The following AKAP6 variants were observed in gnomAD, a reference collection of about 807,000 sequenced individuals.
AKAP6 encodes A-kinase anchor protein 6.
A neutral mutation model predicts 188.5 loss-of-function variants in AKAP6; 58 were observed. That is an observed-to-expected ratio of 0.31 (90% confidence interval 0.25 to 0.38). The LOEUF (loss-of-function observed/expected upper bound fraction) is 0.38, where lower values mean the gene tolerates loss of function less well. Ranked by LOEUF, AKAP6 falls within the 10% of genes least tolerant of loss-of-function variation. The pLI, the probability that AKAP6 is intolerant of heterozygous loss-of-function variation, is 1.00. For missense variants in AKAP6, 2,710 were observed against 2,740.0 expected (o/e 0.99, Z 0.24); for synonymous variants, 989 against 998.6 (o/e 0.99, Z 0.18).
At chr14:32,774,591 C>G (rs2032997387) in intron 12 of AKAP6, among the ~76,000 whole-genome samples, 1 of 152,128 alleles carries the variant, frequency 6.6e-6, no homozygotes, top group African/African-American at 2.4e-5. Flanking sequence ...AAGTTGTTTC[C>G]TTGTAATATA....
At chr14:32,552,708 AG>A (rs1322897444) in intron 4 of AKAP6, among the ~76,000 whole-genome samples, 2 of 152,218 alleles carry the variant, frequency 1.3e-5, no homozygotes. Flanking sequence ...AAAGGGCAGT[AG>A]TTGAAAGTAA....
intron 1 of AKAP6, among the ~76,000 whole-genome samples, chr14:32,361,529 G>C (rs1460206950): frequency 1.3e-5 from 2 of 152,154 alleles, no homozygotes; most frequent in African/African-American, 4.8e-5. Context: ...ACATTAAAGG[G>C]AGGCCATCTA....
rs1461850213 is a variant in AKAP6, at chr14:32,404,479, A to G, written c.-34-28981A>G. 1.3e-5 allele frequency among the ~76,000 whole-genome samples: 2 copies of G among 151,504 alleles called. 1 individual carries two copies. Among genetic ancestry groups the G allele is most frequent in the African/African-American group, 4.9e-5 (2 of 41,234 alleles). On this transcript the variant is annotated intron_variant, in intron 1 of 13. Coordinates refer to ENST00000280979, the MANE Select transcript of AKAP6 (RefSeq NM_004274.5). ...GTTTTTTAGAAGGCTGTGCTGCAGC[A>G]GATTCCTCAGCTAAGTGCACATCCT...
intron 2 of AKAP6, among the ~76,000 whole-genome samples, chr14:32,531,171 G>C (rs1469253717): frequency 6.6e-6 from 1 of 152,194 alleles, no homozygotes; most frequent in Non-Finnish European, 1.5e-5. Context: ...ACAAAGCAAT[G>C]TAGAGGGTCA....
intron 12 of AKAP6, among the ~76,000 whole-genome samples, chr14:32,790,951 T>C (rs2033589535): frequency 6.6e-6 from 1 of 152,212 alleles, no homozygotes; most frequent in Non-Finnish European, 1.5e-5. Context: ...CATGAACTCA[T>C]TCTTTTTTAT....
At chr14:32,724,990 T>TAAAAAAA (rs71432079) in intron 9 of AKAP6, among the ~76,000 whole-genome samples, 491 of 34,910 alleles carry the variant, frequency 0.014, 81 homozygotes, top group South Asian at 0.037. Context: ...ATATTCAACC[T>TAAAAAAA]AAAAAAAAAA....
At chr14:32,519,261 T>A (rs148384441) in intron 2 of AKAP6, among the ~76,000 whole-genome samples, 6 of 152,206 alleles carry the variant, frequency 3.9e-5, no homozygotes, top group Admixed American at 1.3e-4. Context: ...TAAAGACCAT[T>A]GAGGCTAGGA....
intron 6 of AKAP6, 46 bp from the exon 7 acceptor site, chr14:32,600,583 A>T: frequency 6.5e-7 from 1 of 1,540,800 alleles, no homozygotes; most frequent in Non-Finnish European, 8.7e-7. Flanking sequence ...ATGAGTAAAG[A>T]TTCATTCAGG....
chr14:32,355,189 T>C (rs992615120), intron 1 of AKAP6, among the ~76,000 whole-genome samples: 1 of 152,252 alleles, frequency 6.6e-6, no homozygotes, highest in Non-Finnish European at 1.5e-5. Context: ...TTCTAACTGA[T>C]ACAAACTATA....
chr14:32,823,982 C>T lies in AKAP6; in HGVS notation c.6169C>T (p.His2057Tyr), dbSNP rs367905403. Residue 2057 changes from histidine (H) to tyrosine (Y), a missense_variant, in exon 13 of 14, where the codon CAC (histidine) becomes TAC (tyrosine). By Grantham distance (83) the His-to-Tyr change is moderately conservative (BLOSUM62 2). Transcript: ENST00000280979. ...HQKDAEDCSV[H>Y]NFVKEIIDMA... ...AAAAGATGCCGAAGATTGTTCAGTA[C>T]ACAACTTTGTTAAGGAAATCATTGA... is the stretch of plus-strand genomic sequence containing the variant. 2.3e-5 allele frequency: 37 copies of T among 1,613,846 alleles called. No individual in the cohort carries two copies. The highest frequency in any genetic ancestry group is 2.7e-5 in the Non-Finnish European group (32 of 1,179,948).
intron 7 of AKAP6, among the ~76,000 whole-genome samples, chr14:32,675,019 T>A (rs983938767): frequency 1.3e-5 from 2 of 152,210 alleles, no homozygotes; most frequent in Non-Finnish European, 2.9e-5. Context: ...ATCTTTTTTC[T>A]CTTCTCATTG....
At chr14:32,732,961 C>T in intron 10 of AKAP6, 1 of 403,314 alleles carries the variant, frequency 2.5e-6, no homozygotes, top group Non-Finnish European at 4.4e-6. Context: ...TCTGAAGGTA[C>T]ATGTGAGAGA....
intron 1 of AKAP6, among the ~76,000 whole-genome samples, chr14:32,423,553 T>C (rs1889925393): frequency 6.6e-6 from 1 of 152,146 alleles, no homozygotes; most frequent in Non-Finnish European, 1.5e-5. Flanking sequence ...AGCAAATACT[T>C]CTATATTGCT....
intron 2 of AKAP6, among the ~76,000 whole-genome samples, chr14:32,459,577 G>A (rs1026282591): frequency 1.3e-5 from 2 of 149,632 alleles, no homozygotes; most frequent in South Asian, 2.1e-4. Context: ...TTATTGGAAA[G>A]GCATACATAT....
At chr14:32,364,900 T>G (rs1887782775) in intron 1 of AKAP6, among the ~76,000 whole-genome samples, 1 of 152,208 alleles carries the variant, frequency 6.6e-6, no homozygotes, top group Admixed American at 6.5e-5. Flanking sequence ...ATCAGGCATG[T>G]AATTTATAAG....
intron 12 of AKAP6, among the ~76,000 whole-genome samples, chr14:32,775,446 T>G (rs1251293143): frequency 1.3e-5 from 2 of 151,764 alleles, no homozygotes; most frequent in African/African-American, 4.8e-5. Flanking sequence ...TTTTTTTTTT[T>G]TTCAAGGATG....
intron 7 of AKAP6, among the ~76,000 whole-genome samples, chr14:32,617,593 A>ATTTT (rs1178297735): frequency 7.9e-5 from 12 of 151,914 alleles, no homozygotes; most frequent in African/African-American, 2.9e-4. Context: ...TTATAACACA[A>ATTTT]ATCAAAACCC....
rs2034887503 is a variant in AKAP6, at chr14:32,837,586, T to A, written c.*7781T>A. 1 of 152,236 alleles carries A rather than the reference T, an allele frequency of 6.6e-6. No individual in the cohort carries two copies. Among genetic ancestry groups the A allele is most frequent in the Non-Finnish European group, 1.5e-5 (1 of 68,044 alleles). 9.4% of individuals were successfully genotyped at this position (152,236 alleles called of 1,614,324 possible). A position where few individuals can be genotyped will look rare whatever the true frequency, so the allele number is the denominator to read the frequency against. ...AACAAATAATTCCCTCTGTGTGTGT[T>A]TGTTTGCTTGCAAATATGTTTCATT... is the stretch of plus-strand genomic sequence containing the variant. On this transcript the variant is annotated 3_prime_UTR_variant, in exon 14 of 14. Transcript: ENST00000280979.
chr14:32,612,768 ATACTCTGAGT>A (rs759529866), intron 7 of AKAP6, among the ~76,000 whole-genome samples: 2 of 152,186 alleles, frequency 1.3e-5, no homozygotes, highest in Non-Finnish European at 2.9e-5. Context: ...CTGAAAGGAT[ATACTCTGAGT>A]TGCTTCTTTG....
Sources: gnomAD v4.1 joint callset for allele counts (sites outside exome capture counted in the v4.1 genomes callset) on GRCh38, gnomAD v4.1.1 for gene constraint, MANE v1.5 for transcripts, NCBI Gene and HGNC (gene_info 2026-07-23, HGNC 2026-07-21) for gene names.